The following IMPACT variants were observed in gnomAD, a reference collection of about 807,000 sequenced individuals.
IMPACT encodes protein IMPACT.
IMPACT carries 35 observed loss-of-function variants against 47.5 expected under a neutral mutation model. The observed-to-expected ratio is 0.74, with a 90% CI of 0.56 to 0.98. The LOEUF is 0.98. Ranked by LOEUF, IMPACT falls within the 50% of genes least tolerant of loss-of-function variation. The pLI, the probability that IMPACT is intolerant of heterozygous loss-of-function variation, is 0.00. For missense variants in IMPACT, 373 were observed against 394.8 expected (o/e 0.94, Z 0.47); for synonymous variants, 118 against 125.6 (o/e 0.94, Z 0.40).
At chr18:24,433,301 G>A (rs1286974829) in intron 4 of IMPACT, among the ~76,000 whole-genome samples, 20 of 138,080 alleles carry the variant, frequency 1.4e-4, no homozygotes, top group Middle Eastern at 4.1e-3. Context: ...CCGGGTTCAC[G>A]CCATTCTCCT....
chr18:24,437,299 A>G (rs996661635), intron 4 of IMPACT, among the ~76,000 whole-genome samples: 4 of 152,186 alleles, frequency 2.6e-5, no homozygotes, highest in Non-Finnish European at 5.9e-5. Context: ...AACTATGGAC[A>G]TGACTTTAAA....
chr18:24,434,831 AGTGTATATATATGTGTGTATATATAT>A (rs1908870742), intron 4 of IMPACT, among the ~76,000 whole-genome samples: 1 of 134,968 alleles, frequency 7.4e-6, no homozygotes, highest in African/African-American at 2.6e-5. Flanking sequence ...GTATTATATA[AGTGTATATATATGTGTGTATATATAT>A]GTGTATATAT....
intron 6 of IMPACT, among the ~76,000 whole-genome samples, chr18:24,442,344 G>C (rs1909138969): frequency 6.6e-6 from 1 of 151,986 alleles, no homozygotes; most frequent in Non-Finnish European, 1.5e-5. Context: ...GTAGAGACGG[G>C]GGTTTCACCA....
At chr18:24,440,832 T>C (rs1909090310) in intron 6 of IMPACT, among the ~76,000 whole-genome samples, 1 of 152,222 alleles carries the variant, frequency 6.6e-6, no homozygotes, top group Non-Finnish European at 1.5e-5. Flanking sequence ...TTTACTCTTT[T>C]CCCCCTACTT....
rs1048832644 is a variant in IMPACT, at chr18:24,451,526, C to G, written c.*679C>G. ...TTACAGAAAGTGATTTTCTAGTCTGCTTTTTTTGTTTAATTCTTGTAATGT... is the reference window on the plus strand; with the variant it reads ...TTACAGAAAGTGATTTTCTAGTCTGGTTTTTTTGTTTAATTCTTGTAATGT... On this transcript the variant is annotated 3_prime_UTR_variant, in exon 11 of 11. Coordinates refer to ENST00000284202, the MANE Select transcript of IMPACT (RefSeq NM_018439.4). The G allele has an allele frequency of 6.6e-6, 1 of 152,124 alleles. No individual in the cohort carries two copies. Among genetic ancestry groups the G allele is most frequent in the African/African-American group, 2.4e-5 (1 of 41,420 alleles). 9.4% of individuals were successfully genotyped at this position (152,124 alleles called of 1,614,324 possible). A position where few individuals can be genotyped will look rare whatever the true frequency, so the allele number is the denominator to read the frequency against.
chr18:24,450,744 T>C, intron 10 of IMPACT, 35 bp from the exon 11 acceptor site: 3 of 1,387,452 alleles, frequency 2.2e-6, no homozygotes, highest in Non-Finnish European at 3.0e-6. Context: ...TTTATGTAAA[T>C]GGAGAGATGC....
chr18:24,432,559 C>T (rs1009193517), intron 4 of IMPACT, among the ~76,000 whole-genome samples: 12 of 152,048 alleles, frequency 7.9e-5, no homozygotes, highest in Admixed American at 7.2e-4. Context: ...TTAGTGATTC[C>T]GTCATCCTTG....
intron 10 of IMPACT, among the ~76,000 whole-genome samples, chr18:24,450,154 C>A (rs956737807): frequency 6.6e-6 from 1 of 152,134 alleles, no homozygotes; most frequent in African/African-American, 2.4e-5. Flanking sequence ...TCCCTTCGCA[C>A]CTTGATTTCA....
chr18:24,434,419 G>A (rs1908849670), intron 4 of IMPACT, among the ~76,000 whole-genome samples: 1 of 152,202 alleles, frequency 6.6e-6, no homozygotes, highest in East Asian at 1.9e-4. Context: ...GGATATAGTG[G>A]AGGCCTTTAT....
chr18:24,433,300 C>T (rs1457993551), intron 4 of IMPACT, among the ~76,000 whole-genome samples: 6 of 144,032 alleles, frequency 4.2e-5, no homozygotes, highest in African/African-American at 1.3e-4. Context: ...CCCGGGTTCA[C>T]GCCATTCTCC....
chr18:24,433,974 T>G (rs747911849), intron 4 of IMPACT, among the ~76,000 whole-genome samples: 1 of 152,050 alleles, frequency 6.6e-6, no homozygotes, highest in Non-Finnish European at 1.5e-5. Flanking sequence ...CCTGGCCTTT[T>G]GTGACAACTT....
At chr18:24,427,057 G>A (rs1269969650) in intron 1 of IMPACT, 1 of 379,700 alleles carries the variant, frequency 2.6e-6, no homozygotes, top group Non-Finnish European at 4.7e-6. Flanking sequence ...AAGCAGCTCT[G>A]GGCCGAAGGC....
chr18:24,433,184 C>CTTTTTTTTT (rs35543338), intron 4 of IMPACT, among the ~76,000 whole-genome samples: 4 of 81,100 alleles, frequency 4.9e-5, no homozygotes, highest in African/African-American at 1.0e-4. Context: ...ACTTTTAAAA[C>CTTTTTTTTT]TTTTTTTTTT....
At chr18:24,439,776 C>T (rs112564763) in intron 5 of IMPACT, 11,820 of 152,476 alleles carry the variant, frequency 0.078, 479 homozygotes, top group African/African-American at 0.11. Flanking sequence ...GGTGCCACTG[C>T]ACTCCAGCTT....
intron 6 of IMPACT, among the ~76,000 whole-genome samples, chr18:24,441,103 C>G (rs1909099021): frequency 6.6e-6 from 1 of 152,196 alleles, no homozygotes; most frequent in Non-Finnish European, 1.5e-5. Flanking sequence ...TGACCTTGAA[C>G]TCCTGGGCTC....
intron 6 of IMPACT, 55 bp downstream of exon 6, chr18:24,440,673 A>G: frequency 2.8e-6 from 4 of 1,423,328 alleles, no homozygotes; most frequent in Non-Finnish European, 3.8e-6. Context: ...AGTATTATGT[A>G]TTGTTCTTTG....
At chr18:24,448,057 A>G in intron 8 of IMPACT, 36 bp from the exon 9 acceptor site, 1 of 1,166,286 alleles carries the variant, frequency 8.6e-7, no homozygotes, top group Non-Finnish European at 1.3e-6. Context: ...ATAATATTTT[A>G]GTTTCAAAGT....
At chr18:24,431,000 A>T (rs1434292253) in intron 4 of IMPACT, among the ~76,000 whole-genome samples, 2 of 152,228 alleles carry the variant, frequency 1.3e-5, no homozygotes, top group Non-Finnish European at 2.9e-5. Context: ...TCCTTCATTC[A>T]ATAAATATTA....
intron 4 of IMPACT, among the ~76,000 whole-genome samples, 160 bp from the exon 5 acceptor site, chr18:24,437,795 G>A (rs1181992097): frequency 6.6e-6 from 1 of 152,104 alleles, no homozygotes; most frequent in Admixed American, 6.5e-5. Context: ...TAACTACTCA[G>A]ACACAAATGT....
Sources: allele counts gnomAD v4.1 joint callset (sites outside exome capture counted in the v4.1 genomes callset), GRCh38; gene constraint gnomAD v4.1.1; transcripts MANE v1.5; gene names NCBI Gene and HGNC (gene_info 2026-07-23, HGNC 2026-07-21).